The following LRRIQ3 variants were observed in gnomAD, a reference collection of about 807,000 sequenced individuals.
LRRIQ3 encodes leucine rich repeats and IQ motif containing 3, also known as leucine-rich repeat and IQ domain-containing protein 3.
In LRRIQ3, 75 loss-of-function variants were observed where a neutral mutation model predicts 59.3. The ratio of observed to expected loss-of-function variants is 1.26; its 90% CI spans 1.05 to 1.53. The LOEUF is 1.53. LRRIQ3 is among the 40% of genes most tolerant of loss of function. The pLI is 0.00. For synonymous variants in LRRIQ3, 250 were observed against 231.3 expected, an observed-to-expected ratio of 1.08 and a Z score of -0.73; for missense variants, 831 against 710.0, an observed-to-expected ratio of 1.17 and a Z score of -1.94.
chr1:74,031,665 G>A (rs1653722695), intron 7 of LRRIQ3, among the ~76,000 whole-genome samples: 1 of 151,948 alleles, frequency 6.6e-6, no homozygotes, highest in African/African-American at 2.4e-5. Flanking sequence ...TAATGTAAAT[G>A]AGGAGTTACT....
chr1:74,105,552 C>A (rs936435007), intron 5 of LRRIQ3, among the ~76,000 whole-genome samples: 20 of 151,832 alleles, frequency 1.3e-4, no homozygotes, highest in African/African-American at 4.4e-4. Flanking sequence ...CATGGCTGGC[C>A]TATGTGGTAT....
chr1:74,176,913 C>A (rs1649677190), intron 3 of LRRIQ3, among the ~76,000 whole-genome samples: 1 of 152,144 alleles, frequency 6.6e-6, no homozygotes, highest in African/African-American at 2.4e-5. Flanking sequence ...TGGGTTGCTT[C>A]ACTTGAGTCT....
At chr1:74,055,140 T>C (rs1172469853) in intron 6 of LRRIQ3, among the ~76,000 whole-genome samples, 5 of 146,456 alleles carry the variant, frequency 3.4e-5, no homozygotes, top group African/African-American at 1.2e-4. Context: ...TACATACACA[T>C]GCATACATAC....
At chr1:74,117,938 C>G (rs530503193) in intron 4 of LRRIQ3, among the ~76,000 whole-genome samples, 31 of 151,698 alleles carry the variant, frequency 2.0e-4, no homozygotes, top group African/African-American at 7.5e-4. Flanking sequence ...TTGTCCCTAT[C>G]TTTTTATAAT....
At chr1:74,132,164 A>G (rs1647033634) in intron 4 of LRRIQ3, among the ~76,000 whole-genome samples, 1 of 152,118 alleles carries the variant, frequency 6.6e-6, no homozygotes, top group Non-Finnish European at 1.5e-5. Context: ...TCCAACTTAC[A>G]AGGGATGTGA....
intron 4 of LRRIQ3, among the ~76,000 whole-genome samples, chr1:74,137,148 G>A (rs1242273952): frequency 6.6e-6 from 1 of 151,694 alleles, no homozygotes; most frequent in Non-Finnish European, 1.5e-5. Context: ...ATTACAGGGG[G>A]AAAAGCATCT....
chr1:74,164,149 G>A (rs941186889), intron 3 of LRRIQ3, among the ~76,000 whole-genome samples: 3 of 151,122 alleles, frequency 2.0e-5, no homozygotes, highest in African/African-American at 7.3e-5. Context: ...TTTAAGGCTT[G>A]AGAGTTGTAT....
chr1:74,045,181 T>A (rs1272764265), intron 6 of LRRIQ3, among the ~76,000 whole-genome samples: 1 of 152,106 alleles, frequency 6.6e-6, no homozygotes, highest in Non-Finnish European at 1.5e-5. Context: ...CAGGCCACTA[T>A]CCCTGATGAA....
At chr1:74,154,274 A>C (rs912524868) in intron 4 of LRRIQ3, among the ~76,000 whole-genome samples, 1 of 137,188 alleles carries the variant, frequency 7.3e-6, no homozygotes, top group Non-Finnish European at 1.6e-5. Flanking sequence ...AAAAAAAAAA[A>C]AAAAATGTAA....
intron 5 of LRRIQ3, among the ~76,000 whole-genome samples, chr1:74,107,014 A>G (rs1646624610): frequency 6.6e-6 from 1 of 151,824 alleles, no homozygotes; most frequent in South Asian, 2.1e-4. Flanking sequence ...ACGGCTTCTG[A>G]CTTCTGGTTC....
chr1:74,039,524 G>A (rs1653978344), intron 7 of LRRIQ3, among the ~76,000 whole-genome samples: 1 of 151,570 alleles, frequency 6.6e-6, no homozygotes, highest in Non-Finnish European at 1.5e-5. Flanking sequence ...GACACATATG[G>A]GCAGCCAGAG....
chr1:74,034,465 A>G, intron 7 of LRRIQ3, among the ~76,000 whole-genome samples: 1 of 152,006 alleles, frequency 6.6e-6, no homozygotes, highest in Non-Finnish European at 1.5e-5. Flanking sequence ...TGTATTCTTT[A>G]AAAATTAATT....
chr1:74,167,258 T>C (rs180892078), intron 3 of LRRIQ3, among the ~76,000 whole-genome samples: 54 of 152,084 alleles, frequency 3.6e-4, no homozygotes, highest in African/African-American at 1.1e-3. Context: ...ACATATACCA[T>C]GGAATACGAC....
intron 3 of LRRIQ3, chr1:74,181,743 T>C (rs1327021740): frequency 1.3e-5 from 2 of 151,870 alleles, no homozygotes; most frequent in Non-Finnish European, 3.0e-5. Context: ...AAAAATTATA[T>C]GCAGTAATAA....
At chr1:74,150,091 C>A (rs563764532) in intron 4 of LRRIQ3, among the ~76,000 whole-genome samples, 1 of 152,276 alleles carries the variant, frequency 6.6e-6, no homozygotes, top group African/African-American at 2.4e-5. Context: ...GAGATGTGCC[C>A]CTTTCTGCCA....
chr1:74,197,212 T>C (rs142889965), intron 1 of LRRIQ3, among the ~76,000 whole-genome samples: 2 of 152,258 alleles, frequency 1.3e-5, no homozygotes, highest in African/African-American at 4.8e-5. Context: ...CTAAGTAAAT[T>C]TATGACAAGA....
chr1:74,085,111 C>A (rs550425142), intron 5 of LRRIQ3, among the ~76,000 whole-genome samples: 2 of 151,796 alleles, frequency 1.3e-5, no homozygotes, highest in African/African-American at 4.8e-5. Context: ...CAATGATAAG[C>A]AGATTCTGTC....
At chr1:74,114,183 T>G (rs1232444244) in intron 4 of LRRIQ3, among the ~76,000 whole-genome samples, 1 of 151,952 alleles carries the variant, frequency 6.6e-6, no homozygotes, top group Non-Finnish European at 1.5e-5. Flanking sequence ...GAACTAAAAA[T>G]GATAAATAGA....
At chr1:74,148,197 T>G (rs1247702943) in intron 4 of LRRIQ3, among the ~76,000 whole-genome samples, 1 of 152,218 alleles carries the variant, frequency 6.6e-6, no homozygotes, top group East Asian at 1.9e-4. Flanking sequence ...TTTCCAAATT[T>G]TGTAGGGAAG....
Sources: allele counts gnomAD v4.1 joint callset (sites outside exome capture counted in the v4.1 genomes callset), GRCh38; gene constraint gnomAD v4.1.1; transcripts MANE v1.5; gene names NCBI Gene and HGNC (gene_info 2026-07-23, HGNC 2026-07-21).